The following DLG2 variants were observed in gnomAD, a reference collection of about 807,000 sequenced individuals.
DLG2 encodes discs large MAGUK scaffold protein 2.
In DLG2, 45 loss-of-function variants were observed where a neutral mutation model predicts 132.5. The observed-to-expected ratio is 0.34, with a 90% CI of 0.27 to 0.44. DLG2 has a LOEUF of 0.44. DLG2 is among the 20% of genes least tolerant of loss of function. DLG2 has a pLI of 1.00. For synonymous variants in DLG2, 424 were observed against 419.6 expected (o/e 1.01, Z -0.13); for missense variants, 1,045 against 1,196.9 (o/e 0.87, Z 1.87).
intron 6 of DLG2, among the ~76,000 whole-genome samples, chr11:84,599,930 G>A (rs1412753188): frequency 6.6e-6 from 1 of 151,478 alleles, no homozygotes; most frequent in Non-Finnish European, 1.5e-5. Context: ...TACTTGGGAG[G>A]CTGAGGTAGG....
chr11:85,130,243 T>G (rs1188368861), intron 5 of DLG2, among the ~76,000 whole-genome samples: 1 of 152,172 alleles, frequency 6.6e-6, no homozygotes, highest in Non-Finnish European at 1.5e-5. Context: ...AATAGATCCT[T>G]TTATATTACC....
chr11:84,926,776 T>C (rs2092993349), intron 6 of DLG2, among the ~76,000 whole-genome samples: 1 of 151,998 alleles, frequency 6.6e-6, no homozygotes, highest in African/African-American at 2.4e-5. Context: ...AAGAAGGAAA[T>C]ACTAGAAACT....
chr11:84,257,906 C>T (rs960701426), intron 7 of DLG2, among the ~76,000 whole-genome samples: 2 of 151,914 alleles, frequency 1.3e-5, no homozygotes, highest in Non-Finnish European at 2.9e-5. Flanking sequence ...AGGCTGGTCT[C>T]GAACTCCTAG....
intron 6 of DLG2, among the ~76,000 whole-genome samples, chr11:84,852,204 G>A (rs1240418217): frequency 1.3e-5 from 2 of 151,970 alleles, no homozygotes; most frequent in Non-Finnish European, 2.9e-5. Context: ...AGCTGCAACT[G>A]ATTACATAGG....
chr11:85,488,350 C>T (rs775731222), intron 3 of DLG2, among the ~76,000 whole-genome samples: 38 of 151,758 alleles, frequency 2.5e-4, no homozygotes, highest in Non-Finnish European at 3.5e-4. Context: ...GATCGCACCA[C>T]TGCACTCCAG....
chr11:83,919,562 T>G (rs1411651270), intron 15 of DLG2, among the ~76,000 whole-genome samples: 1 of 152,210 alleles, frequency 6.6e-6, no homozygotes, highest in Non-Finnish European at 1.5e-5. Flanking sequence ...CAGGTGGCTG[T>G]TGACTATATC....
At chr11:83,961,639 G>C (rs2088821490) in intron 14 of DLG2, among the ~76,000 whole-genome samples, 1 of 151,924 alleles carries the variant, frequency 6.6e-6, no homozygotes, top group Non-Finnish European at 1.5e-5. Context: ...TTGAATAAAT[G>C]TTAATTCGCT....
At chr11:84,937,053 A>C (rs2048835123) in intron 6 of DLG2, among the ~76,000 whole-genome samples, 1 of 152,042 alleles carries the variant, frequency 6.6e-6, no homozygotes, top group Non-Finnish European at 1.5e-5. Context: ...TCAGGAGGCT[A>C]AGGCAGGAGA....
intron 5 of DLG2, among the ~76,000 whole-genome samples, chr11:85,152,174 A>T (rs1027795236): frequency 1.3e-5 from 2 of 152,204 alleles, no homozygotes; most frequent in African/African-American, 4.8e-5. Flanking sequence ...TCTCTAAAGT[A>T]CATGATCATT....
intron 15 of DLG2, among the ~76,000 whole-genome samples, chr11:83,877,797 T>C (rs1331976160): frequency 3.9e-5 from 6 of 152,168 alleles, no homozygotes; most frequent in Non-Finnish European, 7.4e-5. Flanking sequence ...TATTCCCAAA[T>C]ATAATAGTAA....
rs535607251 is a variant in DLG2, at chr11:85,086,257, T to C, written c.357+25404A>G. Among the ~76,000 whole-genome samples the C allele has an allele frequency of 7.9e-5, 12 of 152,244 alleles. 1 individual carries two copies. In the South Asian group the frequency reaches 2.5e-3, roughly 32 times the overall value. On this transcript the variant is annotated intron_variant, in intron 6 of 27. Transcript: ENST00000376104. ...TGATCTTATTTTTAGTATAATTGAGTCAAAGTTACTTATCCAATTTCTTTT... is the reference window on the plus strand; with the variant it reads ...TGATCTTATTTTTAGTATAATTGAGCCAAAGTTACTTATCCAATTTCTTTT...
chr11:84,738,293 C>G (rs1302166646), intron 6 of DLG2, among the ~76,000 whole-genome samples: 1 of 151,446 alleles, frequency 6.6e-6, no homozygotes, highest in African/African-American at 2.4e-5. Context: ...TCTGTTGATT[C>G]TGCTTAACGA....
intron 3 of DLG2, among the ~76,000 whole-genome samples, chr11:85,571,157 T>A (rs1272261917): frequency 6.6e-6 from 1 of 152,144 alleles, no homozygotes; most frequent in African/African-American, 2.4e-5. Flanking sequence ...TGGGCCATGC[T>A]TTCTTGTTTC....
At chr11:83,762,399 G>A (rs1273735702) in intron 18 of DLG2, among the ~76,000 whole-genome samples, 3 of 152,130 alleles carry the variant, frequency 2.0e-5, no homozygotes, top group Non-Finnish European at 4.4e-5. Context: ...TTCCAATTAA[G>A]TTAGGGCAAA....
intron 6 of DLG2, among the ~76,000 whole-genome samples, chr11:84,797,148 A>G (rs920201406): frequency 2.6e-5 from 4 of 152,108 alleles, no homozygotes; most frequent in African/African-American, 9.7e-5. Context: ...TGCCCGGCCT[A>G]TGATTTTTTA....
In DLG2 at chr11:84,299,242, T is replaced by C. The variant is rs867785756; in HGVS notation, c.520-47951A>G. Among the ~76,000 whole-genome samples the C allele has an allele frequency of 2.1e-3, 322 of 152,294 alleles. 2 individuals carry two copies. Among genetic ancestry groups the C allele is most frequent in the African/African-American group, 7.4e-3 (309 of 41,566 alleles). On this transcript the variant is annotated intron_variant, in intron 7 of 27. Transcript: ENST00000376104. ...AAAGTGAAGCCTTCTTTAAATGATT[T>C]GAAGTTGTTAAATCATTTAAATCAG...
At chr11:83,814,464 T>G (rs1165701661) in intron 17 of DLG2, 1 of 213,056 alleles carries the variant, frequency 4.7e-6, no homozygotes, top group African/African-American at 2.3e-5. Flanking sequence ...CTTTAAAGCT[T>G]GAGCTTCTTC....
intron 3 of DLG2, among the ~76,000 whole-genome samples, chr11:85,334,531 A>G (rs368417270): frequency 2.6e-5 from 4 of 152,052 alleles, no homozygotes; most frequent in African/African-American, 9.7e-5. Context: ...TAGATTCTCA[A>G]TTTGAGACCT....
At chr11:84,709,225 T>C (rs893967560) in intron 6 of DLG2, among the ~76,000 whole-genome samples, 1 of 151,952 alleles carries the variant, frequency 6.6e-6, no homozygotes, top group East Asian at 1.9e-4. Flanking sequence ...ACTTGGTGAA[T>C]ACTCAGCGAA....
Sources: gnomAD v4.1 joint callset for allele counts (sites outside exome capture counted in the v4.1 genomes callset) on GRCh38, gnomAD v4.1.1 for gene constraint, MANE v1.5 for transcripts, NCBI Gene and HGNC (gene_info 2026-07-23, HGNC 2026-07-21) for gene names.